MARK1: variants seen among roughly 807,000 people sequenced by gnomAD.
The protein encoded by MARK1 is microtubule affinity regulating kinase 1.
Under a neutral mutation model 96.3 loss-of-function variants are expected in MARK1, and 40 were observed. That is an observed-to-expected ratio of 0.42 (90% CI 0.32 to 0.54). MARK1 has a LOEUF of 0.54. MARK1 is among the 20% of genes least tolerant of loss of function. MARK1 has a pLI of 0.16. For missense variants in MARK1, 719 were observed against 984.6 expected (o/e 0.73, Z 3.61); for synonymous variants, 317 against 341.2 (o/e 0.93, Z 0.78).
At chr1:220,659,970 T>C (rs892267158) in intron 17 of MARK1, among the ~76,000 whole-genome samples, 1 of 152,186 alleles carries the variant, frequency 6.6e-6, no homozygotes, top group African/African-American at 2.4e-5. Flanking sequence ...GTATTTTTAG[T>C]AGAGACGAGG....
intron 9 of MARK1, among the ~76,000 whole-genome samples, chr1:220,624,024 G>A (rs1456103301): frequency 6.6e-6 from 1 of 152,162 alleles, no homozygotes. Flanking sequence ...TATTCAAATA[G>A]TTTTGGCTGA....
Position 220,618,285 on chromosome 1 carries a change from G to A in MARK1, c.553-25G>A, listed in dbSNP as rs772178597. The A allele has an allele frequency of 4.4e-5, 61 of 1,393,292 alleles. No individual in the cohort carries two copies. In the Middle Eastern group the frequency reaches 5.3e-4, roughly 12 times the overall value. The allele number at this position is 1,393,292 out of a possible 1,614,324, so 86.3% of individuals were successfully genotyped here. A position where few individuals can be genotyped will look rare whatever the true frequency, so the allele number is the denominator to read the frequency against. On this transcript the variant is annotated intron_variant, in intron 7 of 17. Coordinates refer to ENST00000366917, the MANE Select transcript of MARK1 (RefSeq NM_018650.5). The surrounding 1 kb of genome is among the most constrained non-coding windows in gnomAD (Gnocchi z 4.6). ...TTATTTTATGTAGGCTTTTTACATT[G>A]TTCTTTCTATTATTTTCCTCTTAGG...
chr1:220,536,093 G>A (rs1056649418), intron 1 of MARK1, among the ~76,000 whole-genome samples: 1 of 151,852 alleles, frequency 6.6e-6, no homozygotes, highest in Admixed American at 6.6e-5. Flanking sequence ...ACTGACTTTT[G>A]TATGTTGATT....
intron 6 of MARK1, among the ~76,000 whole-genome samples, chr1:220,609,043 G>A (rs1666268953): frequency 6.6e-6 from 1 of 152,308 alleles, no homozygotes; most frequent in East Asian, 1.9e-4. Context: ...TTGATTTGGG[G>A]TGGAGAGTTC....
chr1:220,545,060 C>T (rs1459596685), intron 1 of MARK1, among the ~76,000 whole-genome samples: 1 of 152,150 alleles, frequency 6.6e-6, no homozygotes, highest in Non-Finnish European at 1.5e-5. Flanking sequence ...GAAGGAGAGG[C>T]GGGCCAGGTG....
rs375042581 is a variant in MARK1 at position 220,572,487 on chromosome 1, C to T, written c.52-6867C>T. Among the ~76,000 whole-genome samples the T allele has an allele frequency of 5.3e-5, 8 of 152,328 alleles. No homozygotes were observed. In the South Asian group the frequency reaches 1.0e-3, roughly 20 times the overall value. Reference sequence around the variant, plus strand: ...TGAACTCCCGACCTCAGGTGATCTGCCCTCCTCAGCCTCCTGAAGTGCTGG... The same window carrying T: ...TGAACTCCCGACCTCAGGTGATCTGTCCTCCTCAGCCTCCTGAAGTGCTGG... On this transcript the variant is annotated intron_variant, in intron 1 of 17. Coordinates refer to ENST00000366917, the MANE Select transcript of MARK1 (RefSeq NM_018650.5).
chr1:220,662,556 C>CCCTGTTAT lies in MARK1; in HGVS notation c.*390_*391insCCTGTTAT, dbSNP rs1669534732. 6.1e-6 allele frequency: 1 copy of CCCTGTTAT among 165,042 alleles called. No individual in the cohort carries two copies. Among genetic ancestry groups the CCCTGTTAT allele is most frequent in the African/African-American group, 2.4e-5 (1 of 41,752 alleles). The allele number at this position is 165,042 out of a possible 1,614,324, so 10.2% of individuals were successfully genotyped here. ...TACATTCTGGTGGGTTTTTAAAATTCTTACCTCCATCATGCAATTTTGAAA... is the reference window on the plus strand; with the variant it reads ...TACATTCTGGTGGGTTTTTAAAATTCCCTGTTATTTACCTCCATCATGCAATTTTGAAA... On this transcript the variant is annotated 3_prime_UTR_variant, in exon 18 of 18. Transcript: ENST00000366917.
At chr1:220,539,825 C>G (rs1010815488) in intron 1 of MARK1, among the ~76,000 whole-genome samples, 4 of 150,956 alleles carry the variant, frequency 2.6e-5, no homozygotes, top group African/African-American at 9.7e-5. Context: ...GGGATATTGA[C>G]TTGTAGTTTT....
At chr1:220,552,503 A>G (rs2102746806) in intron 1 of MARK1, among the ~76,000 whole-genome samples, 1 of 152,280 alleles carries the variant, frequency 6.6e-6, no homozygotes, top group Non-Finnish European at 1.5e-5. Context: ...TTTTATCAAG[A>G]CAGCTGCTTC....
chr1:220,569,005 A>G (rs899091450), intron 1 of MARK1, among the ~76,000 whole-genome samples: 2 of 152,172 alleles, frequency 1.3e-5, no homozygotes, highest in African/African-American at 4.8e-5. Context: ...AATTTGTGTC[A>G]ATTTTCACTG....
intron 3 of MARK1, among the ~76,000 whole-genome samples, chr1:220,588,654 A>C (rs1271096501): frequency 6.6e-6 from 1 of 152,218 alleles, no homozygotes; most frequent in Non-Finnish European, 1.5e-5. Context: ...AAAAGCTAAA[A>C]AGGAAATGAC....
chr1:220,528,844 C>T lies in MARK1; in HGVS notation c.22C>T (p.Pro8Ser), dbSNP rs1301431162. The T allele has an allele frequency of 1.9e-6, 3 of 1,569,370 alleles. No homozygotes were observed. The highest frequency in any genetic ancestry group is 1.7e-6 in the Non-Finnish European group (2 of 1,156,856). ...CAAAATGTCGGCCCGGACGCCATTG[C>T]CGACGGTGAACGAGCGGGACACGGA... MSARTPL[P>S]TVNERDTENH... is the part of the protein sequence containing the mutation. The change falls in exon 1 of 18, where the codon CCG (proline) becomes TCG (serine). Residue 8 changes from proline to serine, a missense_variant. This residue lies in a region of MARK1 where 105 missense variants were observed against 133.4 expected (regional missense o/e 0.79). Transcript: ENST00000366917.
intron 1 of MARK1, among the ~76,000 whole-genome samples, chr1:220,544,210 A>G (rs1661329867): frequency 6.6e-6 from 1 of 152,150 alleles, no homozygotes; most frequent in African/African-American, 2.4e-5. Context: ...GGAGATGGCA[A>G]CCGAAAAAGG....
intron 9 of MARK1, among the ~76,000 whole-genome samples, chr1:220,624,882 C>T (rs1461253771): frequency 6.6e-6 from 1 of 152,206 alleles, no homozygotes; most frequent in East Asian, 1.9e-4. Context: ...TTAAAATTCT[C>T]AGAACTCTCT....
At position 220,653,202 on chromosome 1, in the gene MARK1, C is replaced by T; in HGVS notation, c.1838C>T (p.Thr613Ile). The change falls in exon 16 of 18, where the codon ACT becomes ATT. Residue 613 changes from threonine (T) to isoleucine (I), a missense_variant. Thr to Ile is a moderately conservative substitution (Grantham distance 89, BLOSUM62 -1). Around this residue, in one of 4 missense-constraint regions of MARK1, gnomAD observed 501 missense variants for 588.3 expected, o/e 0.85. Transcript: ENST00000366917. ...RFPRGSSSRSTFHGEQLRERR... is the reference protein window; with the variant it reads ...RFPRGSSSRSIFHGEQLRERR... ...CCCCGAGGGAGCTCAAGCCGAAGCA[C>T]TTTCCATGGTGAACAGCTCCGGGAG... is the stretch of plus-strand genomic sequence containing the variant. The T allele has an allele frequency of 6.2e-7, 1 of 1,614,266 alleles. No homozygotes were observed. The highest frequency in any genetic ancestry group is 1.1e-5 in the South Asian group (1 of 91,086).
At chr1:220,549,022 TA>T (rs1661688597) in intron 1 of MARK1, among the ~76,000 whole-genome samples, 1 of 152,170 alleles carries the variant, frequency 6.6e-6, no homozygotes, top group Non-Finnish European at 1.5e-5. Flanking sequence ...GAAGTGCCTC[TA>T]AAAATACAGG....
chr1:220,620,118 CAGTT>C (rs767599003), intron 9 of MARK1, among the ~76,000 whole-genome samples: 5 of 152,094 alleles, frequency 3.3e-5, no homozygotes, highest in Admixed American at 6.5e-5. Context: ...TGCTTTGTGT[CAGTT>C]AGTCAATTAT....
At chr1:220,553,026 G>A (rs1661974345) in intron 1 of MARK1, among the ~76,000 whole-genome samples, 1 of 152,144 alleles carries the variant, frequency 6.6e-6, no homozygotes, top group Admixed American at 6.6e-5. Context: ...GGCAAGAATG[G>A]GTGGCTGGAG....
intron 13 of MARK1, among the ~76,000 whole-genome samples, chr1:220,637,650 G>T (rs1558315218): frequency 1.3e-5 from 2 of 152,118 alleles, no homozygotes; most frequent in African/African-American, 2.4e-5. Context: ...TTGCACTGCA[G>T]CCTGGGCAAC....
Sources: gnomAD v4.1 joint callset for allele counts (sites outside exome capture counted in the v4.1 genomes callset) on GRCh38, gnomAD v4.1.1 for gene constraint, gnomAD v4.1.1 regional missense constraint, Gnocchi (gnomAD v3.1) non-coding constraint, MANE v1.5 for transcripts, NCBI Gene and HGNC (gene_info 2026-07-23, HGNC 2026-07-21) for gene names.